PHACTR1: variants seen among roughly 807,000 people sequenced by gnomAD.
PHACTR1 encodes the protein phosphatase and actin regulator 1, also known as RPEL repeat containing 1.
In PHACTR1, 16 loss-of-function variants were observed where a neutral mutation model predicts 69.2. That is an observed-to-expected ratio of 0.23 (90% CI 0.16 to 0.35). PHACTR1 has a LOEUF of 0.35. Among genes scored for constraint, PHACTR1 ranks in the 10% least tolerant of loss-of-function variants. The pLI, the probability that PHACTR1 is intolerant of heterozygous loss-of-function variation, is 1.00. For missense variants in PHACTR1, 510 were observed against 734.7 expected (o/e 0.69, Z 3.54); for synonymous variants, 312 against 284.5 (o/e 1.10, Z -0.97).
At chr6:12,927,516 G>A (rs1030518195) in intron 4 of PHACTR1, among the ~76,000 whole-genome samples, 1 of 152,196 alleles carries the variant, frequency 6.6e-6, no homozygotes, top group African/African-American at 2.4e-5. Context: ...CTATCAAGAA[G>A]GTACTATTAG....
At chr6:13,116,123 A>G (rs560082957) in intron 5 of PHACTR1, among the ~76,000 whole-genome samples, 8 of 152,334 alleles carry the variant, frequency 5.3e-5, no homozygotes, top group African/African-American at 9.6e-5. Flanking sequence ...GATGAATTCA[A>G]TCAACAAGAT....
At chr6:12,911,118 T>C (rs1786333479) in intron 4 of PHACTR1, among the ~76,000 whole-genome samples, 1 of 152,192 alleles carries the variant, frequency 6.6e-6, no homozygotes, top group African/African-American at 2.4e-5. Context: ...AACAAAGCTG[T>C]GCAAAACTGG....
chr6:12,977,321 C>T (rs373725718), intron 4 of PHACTR1, among the ~76,000 whole-genome samples: 1 of 151,970 alleles, frequency 6.6e-6, no homozygotes, highest in Non-Finnish European at 1.5e-5. Flanking sequence ...TAAGGAGGGA[C>T]GGCTATATAT....
chr6:12,732,447 A>C (rs1763667336), intron 3 of PHACTR1, among the ~76,000 whole-genome samples: 1 of 152,000 alleles, frequency 6.6e-6, no homozygotes, highest in Non-Finnish European at 1.5e-5. Context: ...TGCTGCACCT[A>C]TTGACCCATC....
chr6:13,039,154 T>C (rs898385157), intron 4 of PHACTR1, among the ~76,000 whole-genome samples: 3 of 152,210 alleles, frequency 2.0e-5, no homozygotes, highest in Admixed American at 6.5e-5. Context: ...CATTGTCAAT[T>C]TGCTCTTTTG....
intron 5 of PHACTR1, among the ~76,000 whole-genome samples, chr6:13,089,525 G>A (rs1418565403): frequency 1.3e-5 from 2 of 152,134 alleles, no homozygotes; most frequent in African/African-American, 4.8e-5. Flanking sequence ...CATTTTTTGG[G>A]TAGAATTGCA....
intron 4 of PHACTR1, among the ~76,000 whole-genome samples, chr6:12,960,344 C>G (rs1294994550): frequency 6.6e-6 from 1 of 152,228 alleles, no homozygotes; most frequent in African/African-American, 2.4e-5. Flanking sequence ...CACTTTTTCC[C>G]TTGAATGTGC....
intron 4 of PHACTR1, among the ~76,000 whole-genome samples, chr6:12,940,657 C>T (rs1303004335): frequency 2.0e-5 from 3 of 152,212 alleles, no homozygotes; most frequent in African/African-American, 7.2e-5. Flanking sequence ...ACATACATCT[C>T]ATCCTGGCTT....
At chr6:13,124,009 C>T (rs1226705754) in intron 5 of PHACTR1, among the ~76,000 whole-genome samples, 1 of 152,186 alleles carries the variant, frequency 6.6e-6, no homozygotes, top group African/African-American at 2.4e-5. Context: ...GTGGGGGATG[C>T]AGGTCCTCCC....
chr6:12,790,562 G>T (rs1772143096), intron 4 of PHACTR1, among the ~76,000 whole-genome samples: 1 of 152,144 alleles, frequency 6.6e-6, no homozygotes, highest in Non-Finnish European at 1.5e-5. Context: ...AGCTCCTTTA[G>T]ACCAGTGATC....
intron 5 of PHACTR1, among the ~76,000 whole-genome samples, chr6:13,063,087 A>G (rs747773357): frequency 2.0e-5 from 3 of 152,172 alleles, no homozygotes; most frequent in Non-Finnish European, 4.4e-5. Context: ...TTGGACTTCT[A>G]TAAACTATAG....
intron 4 of PHACTR1, among the ~76,000 whole-genome samples, chr6:12,981,928 C>G (rs1385755882): frequency 6.6e-6 from 1 of 152,154 alleles, no homozygotes; most frequent in Non-Finnish European, 1.5e-5. Flanking sequence ...TTGTATCTCC[C>G]GAATCCACCT....
At chr6:12,869,243 G>A (rs1260477076) in intron 4 of PHACTR1, among the ~76,000 whole-genome samples, 1 of 152,098 alleles carries the variant, frequency 6.6e-6, no homozygotes, top group Non-Finnish European at 1.5e-5. Flanking sequence ...AGAACATGTA[G>A]ATTCCTCTAT....
chr6:12,819,056 T>C (rs1048866813), intron 4 of PHACTR1, among the ~76,000 whole-genome samples: 3 of 152,208 alleles, frequency 2.0e-5, no homozygotes, highest in African/African-American at 7.2e-5. Context: ...AGTCAAAGCA[T>C]TGACTTATGG....
intron 12 of PHACTR1, among the ~76,000 whole-genome samples, chr6:13,282,661 C>T (rs1209482130): frequency 6.6e-6 from 1 of 152,162 alleles, no homozygotes; most frequent in Non-Finnish European, 1.5e-5. Flanking sequence ...ACCATTTGCA[C>T]ATACGCTTTT....
intron 8 of PHACTR1, 97 bp from the exon 9 acceptor site, chr6:13,227,719 C>T (rs1220417330): frequency 1.4e-6 from 2 of 1,472,860 alleles, no homozygotes; most frequent in Admixed American, 2.0e-5. Flanking sequence ...CCCTTTGTCT[C>T]TTAGGACTGG....
chr6:13,229,414 C>T (rs1368846602), intron 9 of PHACTR1, among the ~76,000 whole-genome samples: 1 of 152,114 alleles, frequency 6.6e-6, no homozygotes, highest in Non-Finnish European at 1.5e-5. Flanking sequence ...GCCTCAGCTG[C>T]TCAGAAATGC....
At chr6:13,075,337 A>G (rs1364147530) in intron 5 of PHACTR1, among the ~76,000 whole-genome samples, 1 of 152,158 alleles carries the variant, frequency 6.6e-6, no homozygotes, top group Admixed American at 6.5e-5. Context: ...CAAATCCAGG[A>G]TTTGAACTCT....
In PHACTR1 at chr6:12,739,248, C is replaced by T. The variant is rs566345739; in HGVS notation, c.104-10396C>T. Among the ~76,000 whole-genome samples the T allele has an allele frequency of 2.6e-5, 4 of 152,190 alleles. No homozygotes were observed. In the South Asian group the frequency reaches 8.3e-4, roughly 32 times the overall value. On this transcript the variant is annotated intron_variant, in intron 3 of 14. Coordinates refer to ENST00000332995, the MANE Select transcript of PHACTR1 (RefSeq NM_030948.6). ...TGTTCTGTTGTTATTTTTAATGCGG[C>T]ACAAAATGCTGGGACCTGAATCTTT...
Sources: gnomAD v4.1 joint callset for allele counts (sites outside exome capture counted in the v4.1 genomes callset) on GRCh38, gnomAD v4.1.1 for gene constraint, MANE v1.5 for transcripts, NCBI Gene and HGNC (gene_info 2026-07-23, HGNC 2026-07-21) for gene names.